Variants in YAF2 observed in about 807,000 individuals in gnomAD.
YAF2 encodes YY1 associated factor 2.
YAF2 carries 7 observed loss-of-function variants against 20.1 expected under a neutral mutation model. The ratio of observed to expected loss-of-function variants is 0.35; its 90% CI spans 0.20 to 0.65. The LOEUF (loss-of-function observed/expected upper bound fraction) is 0.65. Among genes scored for constraint, YAF2 ranks in the 30% least tolerant of loss-of-function variants. The pLI is 0.69. For missense variants in YAF2, 151 were observed against 219.2 expected, an observed-to-expected ratio of 0.69 and a Z score of 1.96; for synonymous variants, 74 against 76.0, an observed-to-expected ratio of 0.97 and a Z score of 0.14.
chr12:42,214,375 C>A (rs1407676406), intron 2 of YAF2, among the ~76,000 whole-genome samples: 4 of 152,124 alleles, frequency 2.6e-5, no homozygotes. Context: ...GGGCTCAAGC[C>A]ATTCTCTTAC....
At chr12:42,235,972 C>G (rs2068139778) in intron 2 of YAF2, 2 of 1,536,112 alleles carry the variant, frequency 1.3e-6, no homozygotes, top group Non-Finnish European at 8.7e-7. Flanking sequence ...GAGTAGGACA[C>G]CAGCTTCCCC....
intron 2 of YAF2, among the ~76,000 whole-genome samples, chr12:42,166,915 T>C: frequency 6.6e-6 from 1 of 152,068 alleles, no homozygotes; most frequent in Non-Finnish European, 1.5e-5. Flanking sequence ...AACACTGGAT[T>C]TTTTTTTCAA....
At position 42,193,962 on chromosome 12, in the gene YAF2, G is replaced by C. The variant is rs190420974; in HGVS notation, c.153-32197C>G. 3.0e-3 allele frequency among the ~76,000 whole-genome samples: 454 copies of C among 152,218 alleles called. 1 individual carries two copies. Among genetic ancestry groups the C allele is most frequent in the African/African-American group, 0.01 (436 of 41,542 alleles). On this transcript the variant is annotated intron_variant, in intron 2 of 3. Coordinates refer to ENST00000534854, the MANE Select transcript of YAF2 (RefSeq NM_005748.6). The stretch of plus-strand genomic sequence containing the variant: ...TCTGTGTCTTCATTTTTAACAAACA[G>C]TTTAAAAAGTAATAAAGTAAAAAAA...
At chr12:42,230,515 T>C (rs897199518) in intron 2 of YAF2, among the ~76,000 whole-genome samples, 1 of 151,908 alleles carries the variant, frequency 6.6e-6, no homozygotes, top group African/African-American at 2.4e-5. Flanking sequence ...CATAATCACA[T>C]AGGTTTCAAA....
At chr12:42,225,797 G>C (rs1416844256) in intron 2 of YAF2, among the ~76,000 whole-genome samples, 1 of 152,214 alleles carries the variant, frequency 6.6e-6, no homozygotes, top group African/African-American at 2.4e-5. Flanking sequence ...GGTATAGTTT[G>C]AAGTCAGGTA....
intron 2 of YAF2, among the ~76,000 whole-genome samples, chr12:42,185,247 T>C (rs2066443003): frequency 6.6e-6 from 1 of 152,196 alleles, no homozygotes. Context: ...TGTGACTGAA[T>C]TGCTGCAATC....
chr12:42,159,455 AT>A lies in YAF2; in HGVS notation c.*1133del, dbSNP rs1172811095. 2 of 152,128 alleles carry A rather than the reference AT, an allele frequency of 1.3e-5. No individual in the cohort carries two copies. The highest frequency in any genetic ancestry group is 4.8e-5 in the African/African-American group (2 of 41,462). 9.4% of individuals were successfully genotyped at this position (152,128 alleles called of 1,614,324 possible). On this transcript the variant is annotated 3_prime_UTR_variant, in exon 4 of 4. Coordinates refer to ENST00000534854, the MANE Select transcript of YAF2 (RefSeq NM_005748.6). ...AAATGCAAAATCTGTAGTCATAAAA[AT>A]ATTTTATTGGTAATTTTACATAGTA...
At chr12:42,185,821 T>G (rs1194516067) in intron 2 of YAF2, among the ~76,000 whole-genome samples, 1 of 152,224 alleles carries the variant, frequency 6.6e-6, no homozygotes, top group East Asian at 1.9e-4. Flanking sequence ...AAAAACTTCG[T>G]ATGACTTGCT....
intron 2 of YAF2, among the ~76,000 whole-genome samples, chr12:42,182,186 AAAG>A (rs2066359699): frequency 1.3e-5 from 2 of 152,210 alleles, no homozygotes; most frequent in African/African-American, 4.8e-5. Flanking sequence ...AAAACATTAT[AAAG>A]AAGGTTTTTA....
intron 2 of YAF2, among the ~76,000 whole-genome samples, chr12:42,229,688 C>CA (rs1441315463): frequency 6.6e-6 from 1 of 152,164 alleles, no homozygotes; most frequent in African/African-American, 2.4e-5. Flanking sequence ...CTAGATGGTA[C>CA]AGCCTACTAC....
intron 2 of YAF2, among the ~76,000 whole-genome samples, chr12:42,165,061 C>CAAAAAAAAAAAAAA (rs78729667): frequency 1.5e-5 from 1 of 64,784 alleles, no homozygotes; most frequent in African/African-American, 5.5e-5. Flanking sequence ...TCTTCTGGAA[C>CAAAAAAAAAAAAAA]AAAAAAAAAA....
At chr12:42,234,602 C>T in intron 2 of YAF2, 2 of 985,284 alleles carry the variant, frequency 2.0e-6, no homozygotes, top group Non-Finnish European at 2.4e-6. Context: ...AAAGACATGA[C>T]CTACCATGGA....
chr12:42,211,277 A>C (rs542617663), intron 2 of YAF2, among the ~76,000 whole-genome samples: 24 of 151,870 alleles, frequency 1.6e-4, no homozygotes, highest in Admixed American at 1.5e-3. Flanking sequence ...AAATACAAAA[A>C]TTAGATGGAC....
chr12:42,212,998 C>T (rs536106534), intron 2 of YAF2, among the ~76,000 whole-genome samples: 5 of 152,264 alleles, frequency 3.3e-5, no homozygotes, highest in South Asian at 4.1e-4. Context: ...TAAAACAGAT[C>T]AAGGAGCAAT....
chr12:42,183,797 A>G (rs1169892678), intron 2 of YAF2, among the ~76,000 whole-genome samples: 1 of 152,264 alleles, frequency 6.6e-6, no homozygotes. Context: ...ACAAAAAAGC[A>G]TTATTGAAAG....
rs2068229366 is a variant in YAF2 at position 42,237,843 on chromosome 12, G to A, written c.27-119C>T. The A allele has an allele frequency of 1.0e-5, 8 of 786,542 alleles. 2 individuals are homozygous for A. In the South Asian group the frequency reaches 4.3e-4, roughly 42 times the overall value. The allele number at this position is 786,542 out of a possible 1,614,324, so 48.7% of individuals were successfully genotyped here. On this transcript the variant is annotated intron_variant, in intron 1 of 3. Transcript: ENST00000534854. ...GCCCCAATTCTGCGACCCCCGCCCC[G>A]CGGGCCCTCGGCGCGCCGCGCTCCG...
At chr12:42,227,128 CCG>C (rs2067737536) in intron 2 of YAF2, among the ~76,000 whole-genome samples, 1 of 145,750 alleles carries the variant, frequency 6.9e-6, no homozygotes, top group Admixed American at 6.8e-5. Context: ...GTCTTTGCCG[CCG>C]CGCCGGCGAG....
At chr12:42,226,857 G>C (rs2067717576) in intron 2 of YAF2, among the ~76,000 whole-genome samples, 1 of 151,032 alleles carries the variant, frequency 6.6e-6, no homozygotes, top group African/African-American at 2.4e-5. Context: ...GGAGGTCGCG[G>C]CGCCGGAGGC....
intron 1 of YAF2, 51 bp from the exon 2 acceptor site, chr12:42,237,775 C>CGCCCGGT: frequency 7.7e-7 from 1 of 1,305,910 alleles, no homozygotes; most frequent in Non-Finnish European, 9.8e-7. Flanking sequence ...CAGCAGGCCG[C>CGCCCGGT]GCCCGGTGCC....
Sources: gnomAD v4.1 joint callset for allele counts (sites outside exome capture counted in the v4.1 genomes callset) on GRCh38, gnomAD v4.1.1 for gene constraint, MANE v1.5 for transcripts, NCBI Gene and HGNC (gene_info 2026-07-23, HGNC 2026-07-21) for gene names.